SHB: variants seen among roughly 807,000 people sequenced by gnomAD.
The protein encoded by SHB is SH2 domain-containing adapter protein B.
SHB carries 20 observed loss-of-function variants against 52.3 expected under a neutral mutation model. The ratio of observed to expected loss-of-function variants is 0.38; its 90% CI spans 0.27 to 0.56. SHB has a LOEUF of 0.56. SHB is among the 20% of genes least tolerant of loss of function. The pLI is 0.71. For synonymous variants in SHB, 397 were observed against 316.5 expected (o/e 1.25, Z -2.70); for missense variants, 825 against 723.3 (o/e 1.14, Z -1.61).
intron 5 of SHB, among the ~76,000 whole-genome samples, chr9:37,940,492 G>A (rs573592993): frequency 2.0e-5 from 3 of 152,284 alleles, no homozygotes; most frequent in South Asian, 2.1e-4. Flanking sequence ...GAGAAAACAC[G>A]AAGCACGCTA....
At chr9:37,963,459 T>C (rs1207131179) in intron 3 of SHB, among the ~76,000 whole-genome samples, 1 of 152,210 alleles carries the variant, frequency 6.6e-6, no homozygotes, top group Non-Finnish European at 1.5e-5. Flanking sequence ...GCCACATTTG[T>C]AAACCATATG....
intron 1 of SHB, among the ~76,000 whole-genome samples, chr9:38,036,374 A>C (rs550095298): frequency 2.4e-4 from 36 of 152,356 alleles, no homozygotes; most frequent in Non-Finnish European, 3.4e-4. Flanking sequence ...GGGCTGTAAA[A>C]ACTGTATTTC....
intron 5 of SHB, among the ~76,000 whole-genome samples, chr9:37,920,278 AACAAAACAAAAC>A (rs1282509945): frequency 4.9e-5 from 1 of 20,360 alleles, no homozygotes; most frequent in Non-Finnish European, 1.1e-4. Flanking sequence ...TCTTCAGAAA[AACAAAACAAAAC>A]AAAACAAAAC....
chr9:37,940,290 A>G (rs1024952250), intron 5 of SHB, among the ~76,000 whole-genome samples: 1 of 152,200 alleles, frequency 6.6e-6, no homozygotes, highest in Non-Finnish European at 1.5e-5. Context: ...AGTAATTCTG[A>G]ATAAAGGGAA....
chr9:38,053,727 T>C (rs998196251), intron 1 of SHB, among the ~76,000 whole-genome samples: 1 of 152,036 alleles, frequency 6.6e-6, no homozygotes. Flanking sequence ...CCCCACTGAC[T>C]TTACTGTGGC....
chr9:38,004,103 G>A (rs1222313248), intron 2 of SHB, among the ~76,000 whole-genome samples: 2 of 152,224 alleles, frequency 1.3e-5, no homozygotes, highest in Non-Finnish European at 2.9e-5. Flanking sequence ...GGTGCTCCCA[G>A]GCCCCCAGCT....
At chr9:37,978,221 G>A (rs1178401456) in intron 2 of SHB, among the ~76,000 whole-genome samples, 7 of 152,230 alleles carry the variant, frequency 4.6e-5, no homozygotes, top group Non-Finnish European at 8.8e-5. Context: ...GCAGTGAACA[G>A]ATTAGCTATT....
rs553791311 is a variant in SHB at position 38,051,779 on chromosome 9, G to T, written c.717+16150C>A. On this transcript the variant is annotated intron_variant, in intron 1 of 5. Coordinates refer to ENST00000377707, the MANE Select transcript of SHB (RefSeq NM_003028.3). ...CTTCTGAGCCTGTAAAGCGAGCTCT[G>T]CCGGTCAGAGTGGCCCTCTGATGGA... 1.3e-3 allele frequency among the ~76,000 whole-genome samples: 191 copies of T among 152,316 alleles called. 2 individuals carry two copies. Among genetic ancestry groups the T allele is most frequent in the Middle Eastern group, 3.4e-3 (1 of 294 alleles).
chr9:37,916,446 CG>C lies in SHB; in HGVS notation c.*3374del. Among the ~76,000 whole-genome samples the C allele has an allele frequency of 6.6e-6, 1 of 152,340 alleles. No homozygotes were observed. Among genetic ancestry groups the C allele is most frequent in the East Asian group, 1.9e-4 (1 of 5,168 alleles). On this transcript the variant is annotated 3_prime_UTR_variant, in exon 6 of 6. Coordinates refer to ENST00000377707, the MANE Select transcript of SHB (RefSeq NM_003028.3). The stretch of plus-strand genomic sequence containing the variant: ...TCTGAGACAGCGTCTGGGGAGCTAC[CG>C]GAACTTCGTGTTCAGCATCTTACAA...
intron 1 of SHB, among the ~76,000 whole-genome samples, chr9:38,048,501 G>C (rs148588399): frequency 7.0e-4 from 107 of 152,250 alleles, no homozygotes; most frequent in African/African-American, 2.5e-3. Context: ...GGGCATGGTG[G>C]TGAGTGCCTG....
intron 1 of SHB, among the ~76,000 whole-genome samples, chr9:38,050,011 G>A (rs189701633): frequency 9.2e-5 from 14 of 152,204 alleles, no homozygotes; most frequent in Non-Finnish European, 1.5e-4. Flanking sequence ...GGTTGGTCTC[G>A]AACTCCTGAC....
chr9:37,964,988 T>C (rs1382567208), intron 3 of SHB, among the ~76,000 whole-genome samples: 1 of 152,220 alleles, frequency 6.6e-6, no homozygotes, highest in Non-Finnish European at 1.5e-5. Flanking sequence ...CTCCCGACAC[T>C]TTCACCTGCA....
chr9:38,015,400 C>A (rs937239930), intron 2 of SHB: 1 of 703,130 alleles, frequency 1.4e-6, no homozygotes, highest in Non-Finnish European at 2.6e-6. Flanking sequence ...TGACTCCACA[C>A]AATTGCTTTG....
At chr9:38,048,865 G>A (rs1415247907) in intron 1 of SHB, among the ~76,000 whole-genome samples, 2 of 152,096 alleles carry the variant, frequency 1.3e-5, no homozygotes, top group Non-Finnish European at 2.9e-5. Flanking sequence ...GCACCACTGG[G>A]TTCCCAGGGT....
intron 5 of SHB, among the ~76,000 whole-genome samples, chr9:37,943,888 C>G: frequency 6.6e-6 from 1 of 152,262 alleles, no homozygotes; most frequent in East Asian, 1.9e-4. Context: ...CATTCGCAGG[C>G]CAAAGTGCCT....
chr9:37,945,924 C>T (rs377519018), intron 5 of SHB, among the ~76,000 whole-genome samples: 2 of 152,314 alleles, frequency 1.3e-5, no homozygotes, highest in East Asian at 3.9e-4. Context: ...AGTGGCAGGA[C>T]AGGACTCCTA....
At chr9:38,065,723 A>G (rs907655741) in intron 1 of SHB, among the ~76,000 whole-genome samples, 5 of 152,170 alleles carry the variant, frequency 3.3e-5, no homozygotes, top group African/African-American at 7.2e-5. Flanking sequence ...CTAAAAAACC[A>G]TATCTGATCA....
intron 3 of SHB, among the ~76,000 whole-genome samples, chr9:37,970,878 C>T (rs1344922673): frequency 6.6e-6 from 1 of 152,110 alleles, no homozygotes; most frequent in Non-Finnish European, 1.5e-5. Flanking sequence ...CCCCCACACT[C>T]TCCACCCTTT....
chr9:37,994,755 G>A (rs1041820467), intron 2 of SHB, among the ~76,000 whole-genome samples: 1 of 152,294 alleles, frequency 6.6e-6, no homozygotes, highest in East Asian at 1.9e-4. Flanking sequence ...TGGTATAAAT[G>A]ACTCACCAGT....
Sources: gnomAD v4.1 joint callset for allele counts (sites outside exome capture counted in the v4.1 genomes callset) on GRCh38, gnomAD v4.1.1 for gene constraint, MANE v1.5 for transcripts, NCBI Gene and HGNC (gene_info 2026-07-23, HGNC 2026-07-21) for gene names.